The following KIF24 variants were observed in gnomAD, a reference collection of about 807,000 sequenced individuals.
KIF24 encodes kinesin-like protein KIF24.
A neutral mutation model predicts 118.9 loss-of-function variants in KIF24; 81 were observed. The ratio of observed to expected loss-of-function variants is 0.68; its 90% CI spans 0.57 to 0.82. KIF24 has a LOEUF of 0.82. Ranked by LOEUF, KIF24 falls within the 40% of genes least tolerant of loss-of-function variation. KIF24 has a pLI of 0.00. For synonymous variants in KIF24, 599 were observed against 610.0 expected (o/e 0.98, Z 0.27); for missense variants, 1,560 against 1,661.6 (o/e 0.94, Z 1.06).
chr9:34,261,072 TTGAGAAG>T (rs1835037387), intron 9 of KIF24, among the ~76,000 whole-genome samples: 1 of 152,208 alleles, frequency 6.6e-6, no homozygotes. Context: ...AAAATCATGT[TTGAGAAG>T]ACCTAACCTA....
chr9:34,286,496 TG>T, intron 6 of KIF24, 120 bp downstream of exon 6: 1 of 659,452 alleles, frequency 1.5e-6, no homozygotes, highest in Non-Finnish European at 2.7e-6. Context: ...TGGGAAGTGG[TG>T]GGCTTGTCAT....
At chr9:34,298,436 C>T (rs1373853943) in intron 3 of KIF24, among the ~76,000 whole-genome samples, 1 of 151,726 alleles carries the variant, frequency 6.6e-6, no homozygotes, top group Non-Finnish European at 1.5e-5. Context: ...ATCCCAGCTA[C>T]TTGGGAGGCT....
intron 4 of KIF24, among the ~76,000 whole-genome samples, chr9:34,294,300 T>C (rs1226000108): frequency 1.3e-5 from 2 of 152,078 alleles, no homozygotes; most frequent in African/African-American, 4.8e-5. Context: ...AGCAATTCCA[T>C]TTCTAGGTTG....
chr9:34,283,890 G>T (rs750615318), intron 6 of KIF24, among the ~76,000 whole-genome samples: 5 of 152,138 alleles, frequency 3.3e-5, no homozygotes, highest in Admixed American at 6.6e-5. Flanking sequence ...TCTATCAATT[G>T]AAAGTGTCTG....
At position 34,256,669 on chromosome 9, in the gene KIF24, G is replaced by A. The variant is rs1834858693; in HGVS notation, c.2938C>T (p.Pro980Ser). The A allele has an allele frequency of 6.2e-7, 1 of 1,613,884 alleles. No homozygotes were observed. Among genetic ancestry groups the A allele is most frequent in the Non-Finnish European group, 8.5e-7 (1 of 1,179,852 alleles). Residue 980 changes from proline to serine, a missense_variant, in exon 11 of 13, where the codon CCA becomes TCA. Pro to Ser is a moderately conservative substitution (Grantham distance 74). Coordinates refer to ENST00000402558, the MANE Select transcript of KIF24 (RefSeq NM_194313.4). ...GAGATAGTGAAACCATCTTCCTCTGGGGATGGCAAGTTGCCCTCATTCTCC... is the reference window on the plus strand; with the variant it reads ...GAGATAGTGAAACCATCTTCCTCTGAGGATGGCAAGTTGCCCTCATTCTCC... ...SGENEGNLPSPEEDGFTISLS... is the reference protein window; with the variant it reads ...SGENEGNLPSSEEDGFTISLS...
Position 34,257,237 on chromosome 9 carries a change from T to C in KIF24, c.2370A>G (p.Leu790=). ...GACCCTCTGGGGGCCTGTACTGGCG[T>C]AAAGACCTTTTCAGTGGTTGGTATT... is the stretch of plus-strand genomic sequence containing the variant. ...KLKYQPLKRS[L]RQYRPPEGQL... is the part of the protein sequence containing the mutation. Residue 790 remains leucine (L), a synonymous_variant, in exon 11 of 13, where the codon TTA becomes TTG. Transcript: ENST00000402558. 1 of 1,614,030 alleles carries C rather than the reference T, an allele frequency of 6.2e-7. No individual in the cohort carries two copies.
At chr9:34,287,817 GC>G (rs1387682199) in intron 5 of KIF24, among the ~76,000 whole-genome samples, 8 of 151,726 alleles carry the variant, frequency 5.3e-5, no homozygotes, top group African/African-American at 1.7e-4. Flanking sequence ...GATTGCTTGA[GC>G]TCAGGAGTTT....
chr9:34,319,458 G>A lies in KIF24; in HGVS notation c.-25-8087C>T, dbSNP rs758092317. ...CCTGTACCTGACCAGCGTGTTCCAC[G>A]CCACCGCCTTTGAGTTGGACACAGA... On this transcript the variant is annotated intron_variant, in intron 1 of 12. Transcript: ENST00000402558. 42 of 1,269,296 alleles carry A rather than the reference G, an allele frequency of 3.3e-5. No homozygotes were observed. The Admixed American group carries it at 5.6e-4, about 17-fold the overall frequency. 78.6% of individuals were successfully genotyped at this position (1,269,296 alleles called of 1,614,324 possible).
At chr9:34,316,507 G>A (rs773942824) in intron 1 of KIF24, among the ~76,000 whole-genome samples, 6 of 152,026 alleles carry the variant, frequency 3.9e-5, no homozygotes, top group Non-Finnish European at 7.4e-5. Flanking sequence ...GGGCCCTTAC[G>A]ACTTTAAGAA....
intron 1 of KIF24, among the ~76,000 whole-genome samples, chr9:34,320,850 G>A (rs1267158200): frequency 6.6e-6 from 1 of 151,910 alleles, no homozygotes; most frequent in Non-Finnish European, 1.5e-5. Flanking sequence ...TGTACCCCAG[G>A]ATTTTTGCTC....
upstream of KIF24, among the ~76,000 whole-genome samples, chr9:34,330,322 A>AT (rs1426953101): frequency 1.3e-5 from 2 of 152,150 alleles, no homozygotes; most frequent in African/African-American, 4.8e-5. Flanking sequence ...GGAGAATGGC[A>AT]TGAACCCAGG....
intron 9 of KIF24, among the ~76,000 whole-genome samples, chr9:34,260,585 C>T (rs1835016452): frequency 1.3e-5 from 2 of 152,160 alleles, no homozygotes; most frequent in Admixed American, 6.5e-5. Context: ...TTATCTTTTA[C>T]TTTCTTCTTT....
upstream of KIF24, among the ~76,000 whole-genome samples, chr9:34,331,762 C>T (rs1837944707): frequency 6.6e-6 from 1 of 152,052 alleles, no homozygotes; most frequent in Non-Finnish European, 1.5e-5. Flanking sequence ...AACTTTAGAC[C>T]CATCTGTTCA....
upstream of KIF24, among the ~76,000 whole-genome samples, chr9:34,331,197 T>G (rs1837922675): frequency 6.6e-6 from 1 of 152,230 alleles, no homozygotes; most frequent in African/African-American, 2.4e-5. Flanking sequence ...ATATATATAC[T>G]GTGGTGAACA....
intron 6 of KIF24, among the ~76,000 whole-genome samples, chr9:34,280,156 C>T (rs1453491081): frequency 5.3e-5 from 8 of 149,964 alleles, no homozygotes; most frequent in African/African-American, 1.7e-4. Flanking sequence ...TAGTGGCGGG[C>T]GCCTGTAGTC....
Position 34,290,293 on chromosome 9 carries a change from A to G in KIF24, c.1008T>C (p.Ala336=), listed in dbSNP as rs777920638. Residue 336 remains alanine (A), a synonymous_variant, in exon 5 of 13, where the codon GCT becomes GCC. Transcript: ENST00000402558. ...THENPGLYAL[A]AKDIFRQLEV... is the part of the protein sequence containing the mutation. ...CTAGTTGCCTGAAGATATCTTTGGC[A>G]GCTAGAGCATACAATCCTGGGTTCT... The G allele has an allele frequency of 6.2e-7, 1 of 1,613,924 alleles. No individual in the cohort carries two copies. Among genetic ancestry groups the G allele is most frequent in the Admixed American group, 1.7e-5 (1 of 60,026 alleles).
chr9:34,263,226 A>G, intron 8 of KIF24, 54 bp from the exon 9 acceptor site: 13 of 1,285,224 alleles, frequency 1.0e-5, no homozygotes, highest in Non-Finnish European at 1.4e-5. Context: ...GGAGAGTAAC[A>G]GACCTGATGC....
intron 6 of KIF24, among the ~76,000 whole-genome samples, chr9:34,277,056 T>C (rs1835683276): frequency 6.6e-6 from 1 of 152,188 alleles, no homozygotes; most frequent in South Asian, 2.1e-4. Flanking sequence ...CGTTCCTTTC[T>C]CAAACTCTTT....
chr9:34,278,209 G>T (rs1349162147), intron 6 of KIF24, among the ~76,000 whole-genome samples: 1 of 151,938 alleles, frequency 6.6e-6, no homozygotes, highest in East Asian at 1.9e-4. Flanking sequence ...AGGAGTTCGA[G>T]ACCAGCCTGG....
Sources: allele counts gnomAD v4.1 joint callset (sites outside exome capture counted in the v4.1 genomes callset), GRCh38; gene constraint gnomAD v4.1.1; transcripts MANE v1.5; gene names NCBI Gene and HGNC (gene_info 2026-07-23, HGNC 2026-07-21).